The following EYS variants were observed in gnomAD, a reference collection of about 807,000 sequenced individuals.
The protein encoded by EYS is EGF-like photoreceptor maintenance factor.
Under a neutral mutation model 282.1 loss-of-function variants are expected in EYS, and 250 were observed. The observed-to-expected ratio is 0.89, with a 90% CI of 0.80 to 0.98. The LOEUF (loss-of-function observed/expected upper bound fraction) is 0.98. EYS is among the 50% of genes least tolerant of loss of function. The pLI is 0.00. For synonymous variants in EYS, 1,355 were observed against 1,282.9 expected (o/e 1.06, Z -1.20); for missense variants, 4,016 against 3,709.0 (o/e 1.08, Z -2.15).
intron 30 of EYS, among the ~76,000 whole-genome samples, chr6:64,255,411 T>A (rs1767357329): frequency 6.6e-6 from 1 of 152,098 alleles, no homozygotes; most frequent in African/African-American, 2.4e-5. Flanking sequence ...ATGGATTTTT[T>A]AATATTTCTA....
intron 22 of EYS, among the ~76,000 whole-genome samples, chr6:64,694,672 C>G (rs775628922): frequency 3.9e-5 from 6 of 152,158 alleles, no homozygotes; most frequent in Non-Finnish European, 8.8e-5. Context: ...GTGATGTAGT[C>G]TCAAGCTGGG....
At chr6:65,463,699 A>C in intron 5 of EYS, among the ~76,000 whole-genome samples, 1 of 152,176 alleles carries the variant, frequency 6.6e-6, no homozygotes, top group Non-Finnish European at 1.5e-5. Flanking sequence ...TTTGTCAGGA[A>C]AATAAACGTT....
chr6:64,177,276 T>C (rs1582386539), intron 31 of EYS, among the ~76,000 whole-genome samples: 1 of 151,596 alleles, frequency 6.6e-6, no homozygotes. Context: ...GTTTTTTATT[T>C]TCTATTCATT....
At chr6:64,253,349 T>C (rs1322934351) in intron 30 of EYS, among the ~76,000 whole-genome samples, 2 of 152,120 alleles carry the variant, frequency 1.3e-5, no homozygotes, top group African/African-American at 4.8e-5. Context: ...GTGGGTTTTA[T>C]GTGAAGTAGA....
At chr6:65,344,218 A>G (rs770650407) in intron 9 of EYS, 41 bp from the exon 10 acceptor site, 26 of 1,485,010 alleles carry the variant, frequency 1.8e-5, no homozygotes, top group Non-Finnish European at 2.4e-5. Flanking sequence ...AAACTCTTAC[A>G]AACTTGAATT....
chr6:65,422,586 T>C (rs1267797436), intron 5 of EYS, among the ~76,000 whole-genome samples: 1 of 151,602 alleles, frequency 6.6e-6, no homozygotes, highest in Non-Finnish European at 1.5e-5. Flanking sequence ...TCAATAAACA[T>C]AAAATTAAAC....
chr6:64,343,234 C>G (rs1771209285), intron 29 of EYS, among the ~76,000 whole-genome samples: 1 of 151,964 alleles, frequency 6.6e-6, no homozygotes, highest in Non-Finnish European at 1.5e-5. Context: ...ACTCTCCACC[C>G]CAAATCAACA....
intron 33 of EYS, among the ~76,000 whole-genome samples, chr6:64,065,670 C>A (rs1212866188): frequency 2.0e-5 from 3 of 152,086 alleles, no homozygotes; most frequent in Non-Finnish European, 2.9e-5. Context: ...AGCTGTACTC[C>A]ATAGATATTT....
intron 12 of EYS, among the ~76,000 whole-genome samples, chr6:65,068,510 T>G (rs1240647750): frequency 6.6e-6 from 1 of 152,072 alleles, no homozygotes. Context: ...ATATTTTCAC[T>G]CCTTTGAATT....
chr6:64,952,068 T>C (rs1021572127), intron 14 of EYS, among the ~76,000 whole-genome samples: 1 of 151,914 alleles, frequency 6.6e-6, no homozygotes, highest in African/African-American at 2.4e-5. Context: ...AGGCAGCCAA[T>C]GAACAAAGAC....
intron 29 of EYS, among the ~76,000 whole-genome samples, chr6:64,343,406 C>T (rs1415023679): frequency 6.6e-6 from 1 of 152,154 alleles, no homozygotes. Flanking sequence ...AAGAAACTCA[C>T]TCAAAACTGC....
At chr6:65,638,232 C>T (rs925957802) in intron 2 of EYS, among the ~76,000 whole-genome samples, 1 of 152,148 alleles carries the variant, frequency 6.6e-6, no homozygotes, top group Non-Finnish European at 1.5e-5. Flanking sequence ...CAGAAAGGAG[C>T]GATCCACTAG....
intron 14 of EYS, among the ~76,000 whole-genome samples, chr6:64,983,399 A>T (rs530460691): frequency 9.9e-5 from 15 of 151,396 alleles, no homozygotes; most frequent in African/African-American, 3.6e-4. Context: ...GGAGCATATG[A>T]GCTATTTGTG....
chr6:64,390,921 G>T (rs1773109382), intron 28 of EYS, among the ~76,000 whole-genome samples: 1 of 149,940 alleles, frequency 6.7e-6, no homozygotes, highest in Non-Finnish European at 1.5e-5. Context: ...ATACAGAGAA[G>T]TGCTTAAAGG....
rs1362023747 is a variant in EYS, at chr6:63,864,367, G to A, written c.7056-9C>T. 6.5e-7 allele frequency: 1 copy of A among 1,544,932 alleles called. No individual in the cohort carries two copies. The highest frequency in any genetic ancestry group is 8.7e-7 in the Non-Finnish European group (1 of 1,142,878). ...ACAGATTTTCATTATCACTGAGAAG[G>A]GAAAAAATTTAAAAATTCATTAGGA... On this transcript the variant is annotated splice_polypyrimidine_tract_variant and intron_variant, in intron 35 of 42. Coordinates refer to ENST00000503581, the MANE Select transcript of EYS (RefSeq NM_001142800.2).
chr6:64,002,813 T>C (rs753386571), intron 33 of EYS, among the ~76,000 whole-genome samples: 3 of 152,190 alleles, frequency 2.0e-5, no homozygotes, highest in South Asian at 2.1e-4. Context: ...GCTGGGATTA[T>C]AGGCATGAGC....
At chr6:65,460,289 TTA>T (rs1764783660) in intron 5 of EYS, among the ~76,000 whole-genome samples, 1 of 151,574 alleles carries the variant, frequency 6.6e-6, no homozygotes, top group South Asian at 2.1e-4. Context: ...AAAATTTCTA[TTA>T]TATATAAAAT....
intron 22 of EYS, among the ~76,000 whole-genome samples, chr6:64,765,963 A>G (rs911202905): frequency 6.6e-6 from 1 of 152,092 alleles, no homozygotes; most frequent in African/African-American, 2.4e-5. Context: ...GCTTTTCTTC[A>G]TTGAGCTATT....
intron 12 of EYS, among the ~76,000 whole-genome samples, chr6:65,066,413 G>A: frequency 6.6e-6 from 1 of 152,044 alleles, no homozygotes; most frequent in East Asian, 1.9e-4. Flanking sequence ...AATATTCTCA[G>A]GTGAAATAAC....
Sources: allele counts gnomAD v4.1 joint callset (sites outside exome capture counted in the v4.1 genomes callset), GRCh38; gene constraint gnomAD v4.1.1; transcripts MANE v1.5; gene names NCBI Gene and HGNC (gene_info 2026-07-23, HGNC 2026-07-21).